AGBL4: variants seen among roughly 807,000 people sequenced by gnomAD.
The protein encoded by AGBL4 is cytosolic carboxypeptidase 6.
AGBL4 carries 58 observed loss-of-function variants against 66.4 expected under a neutral mutation model. That is an observed-to-expected ratio of 0.87 (90% CI 0.71 to 1.09). The LOEUF (loss-of-function observed/expected upper bound fraction) is 1.09, where lower values mean the gene tolerates loss of function less well. Among genes scored for constraint, AGBL4 ranks in the 50% least tolerant of loss-of-function variants. The probability of loss-of-function intolerance (pLI) is 0.00; values close to 1 mark genes in which losing one functional copy is unlikely to be tolerated. For synonymous variants in AGBL4, 234 were observed against 222.9 expected (o/e 1.05, Z -0.44); for missense variants, 579 against 631.0 (o/e 0.92, Z 0.88).
intron 3 of AGBL4, among the ~76,000 whole-genome samples, chr1:49,510,362 T>G (rs1027891943): frequency 2.0e-5 from 3 of 151,748 alleles, no homozygotes; most frequent in Admixed American, 6.6e-5. Context: ...CATGTGTTTT[T>G]TGGCTGCATA....
chr1:49,098,184 A>G (rs1015016871), intron 4 of AGBL4, among the ~76,000 whole-genome samples: 29 of 152,234 alleles, frequency 1.9e-4, no homozygotes, highest in African/African-American at 6.3e-4. Flanking sequence ...TATAGGATTA[A>G]CCACAATCTG....
intron 1 of AGBL4, among the ~76,000 whole-genome samples, chr1:49,973,472 G>T (rs1015627897): frequency 1.3e-5 from 2 of 151,820 alleles, no homozygotes; most frequent in African/African-American, 2.4e-5. Context: ...CATAATTGCA[G>T]AAAAATTCTT....
chr1:49,619,148 G>A (rs1479946267), intron 3 of AGBL4, among the ~76,000 whole-genome samples: 1 of 152,126 alleles, frequency 6.6e-6, no homozygotes, highest in Non-Finnish European at 1.5e-5. Flanking sequence ...GAAATAAAGG[G>A]TATTCAAATA....
chr1:49,244,051 A>T (rs1651442383), intron 4 of AGBL4, among the ~76,000 whole-genome samples: 2 of 151,836 alleles, frequency 1.3e-5, no homozygotes, highest in South Asian at 4.1e-4. Context: ...AGCAGAGAAG[A>T]CACAACATAG....
chr1:49,056,625 G>T (rs756532335), intron 4 of AGBL4, among the ~76,000 whole-genome samples: 5 of 152,140 alleles, frequency 3.3e-5, no homozygotes, highest in Non-Finnish European at 5.9e-5. Flanking sequence ...GTTAGAAAGT[G>T]GGGGAGGGTA....
chr1:50,014,452 T>C (rs549447924), intron 1 of AGBL4, among the ~76,000 whole-genome samples: 3 of 152,072 alleles, frequency 2.0e-5, no homozygotes, highest in East Asian at 1.9e-4. Context: ...ACAAATGTTA[T>C]TAGATCAACC....
At chr1:49,461,468 G>A (rs571371076) in intron 3 of AGBL4, among the ~76,000 whole-genome samples, 3 of 150,218 alleles carry the variant, frequency 2.0e-5, no homozygotes, top group South Asian at 2.1e-4. Context: ...TTATTTATGC[G>A]ATCTATTTCA....
chr1:49,367,524 A>T (rs78197474), intron 3 of AGBL4, among the ~76,000 whole-genome samples: 4,613 of 152,210 alleles, frequency 0.03, 92 homozygotes, highest in Non-Finnish European at 0.047. Context: ...TTCTTTAGAA[A>T]TTACTCAGCC....
intron 3 of AGBL4, among the ~76,000 whole-genome samples, chr1:49,372,066 A>G (rs1473189872): frequency 6.6e-6 from 1 of 152,080 alleles, no homozygotes; most frequent in Non-Finnish European, 1.5e-5. Context: ...CAGAATCTAG[A>G]TTTTTGATAA....
intron 3 of AGBL4, among the ~76,000 whole-genome samples, chr1:49,574,375 T>C (rs1443432113): frequency 6.6e-6 from 1 of 152,150 alleles, no homozygotes. Flanking sequence ...TTAGCTGAAA[T>C]ACGGATTAAA....
At chr1:49,749,075 C>A (rs1189155859) in intron 2 of AGBL4, among the ~76,000 whole-genome samples, 2 of 152,184 alleles carry the variant, frequency 1.3e-5, no homozygotes, top group Admixed American at 6.5e-5. Flanking sequence ...GTAATGAAGT[C>A]TTTGCCCATG....
chr1:49,977,276 T>TGCA, intron 1 of AGBL4, among the ~76,000 whole-genome samples: 1 of 152,110 alleles, frequency 6.6e-6, no homozygotes, highest in East Asian at 1.9e-4. Context: ...CCTCCCATCT[T>TGCA]TCATGAGCTT....
chr1:49,442,268 A>C (rs1237505819), intron 3 of AGBL4, among the ~76,000 whole-genome samples: 1 of 152,240 alleles, frequency 6.6e-6, no homozygotes, highest in Non-Finnish European at 1.5e-5. Flanking sequence ...CATATAAGCA[A>C]AAATTATAAT....
intron 6 of AGBL4, among the ~76,000 whole-genome samples, chr1:48,840,744 A>T: frequency 6.6e-6 from 1 of 152,152 alleles, no homozygotes; most frequent in Non-Finnish European, 1.5e-5. Context: ...CAGCAATCTC[A>T]CTGCTAGGTA....
intron 6 of AGBL4, among the ~76,000 whole-genome samples, chr1:48,789,336 T>G (rs934874150): frequency 2.0e-5 from 3 of 151,738 alleles, no homozygotes; most frequent in Non-Finnish European, 4.4e-5. Flanking sequence ...TCACCCAGGC[T>G]GGAGTGCAGT....
intron 4 of AGBL4, among the ~76,000 whole-genome samples, chr1:49,182,204 A>G (rs1032451304): frequency 1.3e-5 from 2 of 152,252 alleles, no homozygotes; most frequent in Non-Finnish European, 2.9e-5. Flanking sequence ...CCTGAAAGAT[A>G]GCACAAAATT....
chr1:49,549,838 G>A (rs919013872), intron 3 of AGBL4, among the ~76,000 whole-genome samples: 2 of 152,116 alleles, frequency 1.3e-5, no homozygotes, highest in South Asian at 4.1e-4. Context: ...TTTCTTTGTT[G>A]ATTTTCTGCC....
intron 5 of AGBL4, among the ~76,000 whole-genome samples, chr1:48,988,229 G>T (rs911567937): frequency 6.6e-6 from 1 of 152,042 alleles, no homozygotes; most frequent in Non-Finnish European, 1.5e-5. Context: ...ATTCCATGAA[G>T]TTTAGTGGAT....
At chr1:49,284,401 C>T (rs1310505441) in intron 3 of AGBL4, among the ~76,000 whole-genome samples, 6 of 152,044 alleles carry the variant, frequency 3.9e-5, no homozygotes, top group Admixed American at 2.0e-4. Flanking sequence ...ACAACCGGTA[C>T]CAGCCACTGC....
Sources: gnomAD v4.1 joint callset for allele counts (sites outside exome capture counted in the v4.1 genomes callset) on GRCh38, gnomAD v4.1.1 for gene constraint, MANE v1.5 for transcripts, NCBI Gene and HGNC (gene_info 2026-07-23, HGNC 2026-07-21) for gene names.